ACAD11: variants seen among roughly 807,000 people sequenced by gnomAD.
ACAD11 encodes acyl-CoA dehydrogenase family member 11.
In ACAD11, 83 loss-of-function variants were observed where a neutral mutation model predicts 102.2. The observed-to-expected ratio is 0.81, with a 90% CI of 0.68 to 0.97. The LOEUF (loss-of-function observed/expected upper bound fraction) is 0.97. Ranked by LOEUF, ACAD11 falls within the 50% of genes least tolerant of loss-of-function variation. The pLI, the probability that ACAD11 is intolerant of heterozygous loss-of-function variation, is 0.00. For synonymous variants in ACAD11, 324 were observed against 319.8 expected, an observed-to-expected ratio of 1.01 and a Z score of -0.14; for missense variants, 901 against 951.7, an observed-to-expected ratio of 0.95 and a Z score of 0.70.
intron 12 of ACAD11, among the ~76,000 whole-genome samples, chr3:132,604,647 CAT>C (rs1174381211): frequency 2.0e-5 from 3 of 152,144 alleles, no homozygotes; most frequent in Admixed American, 6.6e-5. Flanking sequence ...TATTTTCCCA[CAT>C]GATTATAATT....
intron 17 of ACAD11, among the ~76,000 whole-genome samples, chr3:132,567,204 C>T (rs1937238277): frequency 6.6e-6 from 1 of 152,114 alleles, no homozygotes. Context: ...GTCTCAAACT[C>T]CTGACCTCAA....
At chr3:132,584,887 A>G (rs1480450448) in intron 13 of ACAD11, among the ~76,000 whole-genome samples, 4 of 152,244 alleles carry the variant, frequency 2.6e-5, no homozygotes, top group Non-Finnish European at 5.9e-5. Context: ...CATGGGTAGG[A>G]AGAATCAATA....
chr3:132,618,408 T>C (rs371896357), intron 11 of ACAD11: 3 of 458,494 alleles, frequency 6.5e-6, no homozygotes, highest in East Asian at 7.1e-5. Context: ...TGGTGGCTAA[T>C]TTTTTTCACC....
chr3:132,610,120 G>GT (rs1251993383), intron 11 of ACAD11, among the ~76,000 whole-genome samples: 1 of 151,970 alleles, frequency 6.6e-6, no homozygotes, highest in Non-Finnish European at 1.5e-5. Context: ...TTGATAGAAC[G>GT]TATCTCAAAA....
At chr3:132,627,474 T>C (rs116086436) in intron 8 of ACAD11, among the ~76,000 whole-genome samples, 4 of 152,274 alleles carry the variant, frequency 2.6e-5, no homozygotes, top group South Asian at 2.1e-4. Context: ...AGAAGTTGAA[T>C]TGAACACAAA....
chr3:132,575,979 C>T (rs755664566), intron 16 of ACAD11, 53 bp from the exon 17 acceptor site: 20 of 1,589,170 alleles, frequency 1.3e-5, no homozygotes, highest in Admixed American at 1.7e-5. Context: ...TAGCCCATTC[C>T]TTTTGTTATT....
chr3:132,655,472 G>A (rs370555414), intron 1 of ACAD11, among the ~76,000 whole-genome samples: 1 of 152,178 alleles, frequency 6.6e-6, no homozygotes, highest in Non-Finnish European at 1.5e-5. Context: ...CATTTGGGCT[G>A]TGTTTCCTCA....
intron 4 of ACAD11, among the ~76,000 whole-genome samples, chr3:132,640,516 C>T (rs909351470): frequency 1.3e-5 from 2 of 152,182 alleles, no homozygotes; most frequent in African/African-American, 4.8e-5. Context: ...CTCGTAAAGT[C>T]CTCCAACAGG....
intron 13 of ACAD11, among the ~76,000 whole-genome samples, chr3:132,582,220 T>C (rs1291059913): frequency 1.3e-5 from 2 of 151,714 alleles, no homozygotes; most frequent in African/African-American, 2.4e-5. Flanking sequence ...ATGAGTGAAA[T>C]TGTCATTATT....
chr3:132,613,637 G>A (rs1307431856), intron 11 of ACAD11, among the ~76,000 whole-genome samples: 6 of 152,012 alleles, frequency 3.9e-5, no homozygotes, highest in Non-Finnish European at 5.9e-5. Flanking sequence ...AGTGGCTCAC[G>A]CCTGTAATCC....
chr3:132,623,396 T>A (rs1939678187), intron 9 of ACAD11, among the ~76,000 whole-genome samples: 1 of 152,214 alleles, frequency 6.6e-6, no homozygotes, highest in Non-Finnish European at 1.5e-5. Context: ...AAAAGCTATT[T>A]ACTTTTCTCC....
intron 11 of ACAD11, among the ~76,000 whole-genome samples, chr3:132,611,183 C>A (rs997360611): frequency 1.6e-4 from 25 of 152,174 alleles, no homozygotes; most frequent in African/African-American, 5.8e-4. Context: ...ACGCTTCATG[C>A]TAAAAACTCT....
At chr3:132,643,037 C>T (rs1220105747) in intron 2 of ACAD11, among the ~76,000 whole-genome samples, 1 of 152,140 alleles carries the variant, frequency 6.6e-6, no homozygotes, top group Non-Finnish European at 1.5e-5. Context: ...AAGATGAGCA[C>T]CTGCATGAGA....
intron 9 of ACAD11, among the ~76,000 whole-genome samples, chr3:132,620,068 C>G (rs970780480): frequency 5.9e-5 from 9 of 152,184 alleles, no homozygotes; most frequent in African/African-American, 1.9e-4. Context: ...ATGCCCCAAA[C>G]ATGGCAAGAG....
chr3:132,604,004 T>G (rs1017092952), intron 12 of ACAD11, among the ~76,000 whole-genome samples: 42 of 152,342 alleles, frequency 2.8e-4, no homozygotes, highest in African/African-American at 9.9e-4. Context: ...GAAAGAGGGC[T>G]GTGTATTCTA....
intron 17 of ACAD11, among the ~76,000 whole-genome samples, chr3:132,571,782 T>C (rs1937389907): frequency 6.6e-6 from 1 of 152,142 alleles, no homozygotes; most frequent in Admixed American, 6.6e-5. Flanking sequence ...ATCTGATTCA[T>C]CACATAGAAC....
intron 1 of ACAD11, among the ~76,000 whole-genome samples, chr3:132,647,751 A>G (rs1272877692): frequency 6.6e-6 from 1 of 152,182 alleles, no homozygotes; most frequent in Non-Finnish European, 1.5e-5. Flanking sequence ...CTGGTAGTCT[A>G]TTCAGACTGC....
intron 13 of ACAD11, among the ~76,000 whole-genome samples, chr3:132,597,888 C>A (rs1334422916): frequency 6.6e-6 from 1 of 152,028 alleles, no homozygotes; most frequent in Non-Finnish European, 1.5e-5. Context: ...AACATGAAGA[C>A]CAGAGTAGTC....
At chr3:132,649,975 AAAG>A (rs1357819371) in intron 1 of ACAD11, 2 of 152,212 alleles carry the variant, frequency 1.3e-5, no homozygotes, top group South Asian at 2.1e-4. Flanking sequence ...GATCAGGAAA[AAAG>A]AAGATTAAAA....
Sources: gnomAD v4.1 joint callset for allele counts (sites outside exome capture counted in the v4.1 genomes callset) on GRCh38, gnomAD v4.1.1 for gene constraint, MANE v1.5 for transcripts, NCBI Gene and HGNC (gene_info 2026-07-23, HGNC 2026-07-21) for gene names.